Variants in MGAT4A observed in about 807,000 individuals in gnomAD.
MGAT4A encodes the protein N-acetylglucosaminyltransferase IVa.
In MGAT4A, 33 loss-of-function variants were observed where a neutral mutation model predicts 74.1. The ratio of observed to expected loss-of-function variants is 0.45; its 90% confidence interval spans 0.34 to 0.60. MGAT4A has a LOEUF of 0.60. Among genes scored for constraint, MGAT4A ranks in the 20% least tolerant of loss-of-function variants. MGAT4A has a pLI of 0.02. For synonymous variants in MGAT4A, 198 were observed against 210.4 expected (o/e 0.94, Z 0.51); for missense variants, 479 against 628.3 (o/e 0.76, Z 2.54).
Position 98,656,423 on chromosome 2 carries a change from T to C in MGAT4A, c.627A>G (p.Ser209=), listed in dbSNP as rs1355321828. 6.2e-7 allele frequency: 1 copy of C among 1,612,306 alleles called. No individual in the cohort carries two copies. The highest frequency in any genetic ancestry group is 2.2e-5 in the East Asian group (1 of 44,800). The change falls in exon 7 of 16, where the codon TCA becomes TCG. Residue 209 remains serine, a synonymous_variant. Transcript: ENST00000393487. ...AGTCAGGATAATAGCTTTCAGGGGGTGATATGACTTCCACCAAGCCAGAAC... is the reference window on the plus strand; with the variant it reads ...AGTCAGGATAATAGCTTTCAGGGGGCGATATGACTTCCACCAAGCCAGAAC... ...EISSGLVEVI[S]PPESYYPDLT...
intron 14 of MGAT4A, among the ~76,000 whole-genome samples, chr2:98,626,131 TAG>T (rs1439353537): frequency 6.6e-6 from 1 of 152,230 alleles, no homozygotes; most frequent in African/African-American, 2.4e-5. Context: ...TTTTAAACTA[TAG>T]GTTTTTTGTA....
chr2:98,725,057 A>G (rs951511677), intron 2 of MGAT4A, among the ~76,000 whole-genome samples: 1 of 152,274 alleles, frequency 6.6e-6, no homozygotes, highest in African/African-American at 2.4e-5. Context: ...CCTAGGCAAC[A>G]GAGTGAAACT....
chr2:98,662,446 T>C (rs567902895), intron 5 of MGAT4A, among the ~76,000 whole-genome samples: 2 of 152,266 alleles, frequency 1.3e-5, no homozygotes, highest in South Asian at 4.1e-4. Context: ...TAAAAAGACA[T>C]GGGGAACTCT....
At chr2:98,714,500 A>T (rs1279313089) in intron 2 of MGAT4A, among the ~76,000 whole-genome samples, 1 of 152,206 alleles carries the variant, frequency 6.6e-6, no homozygotes, top group East Asian at 1.9e-4. Context: ...AATTCAAGAA[A>T]CGCAGGTGGA....
At chr2:98,684,547 T>A (rs1702102802) in intron 2 of MGAT4A, among the ~76,000 whole-genome samples, 1 of 152,224 alleles carries the variant, frequency 6.6e-6, no homozygotes. Flanking sequence ...AATATTTAGG[T>A]CAGTTTCCAG....
rs11898635 is a variant in MGAT4A, at chr2:98,672,593, G to A, written c.403+2442C>T. ...TCAAAGAAATTTACTTCTATAAGCT[G>A]GTAATTCCCTCTTTTCACTCTCTTT... On this transcript the variant is annotated intron_variant, in intron 4 of 15. Transcript: ENST00000393487. Among the ~76,000 whole-genome samples the A allele has an allele frequency of 1.5e-3, 235 of 152,210 alleles. 1 individual carries two copies. The highest frequency in any genetic ancestry group is 5.4e-3 in the African/African-American group (225 of 41,526).
In MGAT4A at chr2:98,620,245, C is replaced by T. The variant is rs910009008; in HGVS notation, c.*5321G>A. On this transcript the variant is annotated 3_prime_UTR_variant, in exon 16 of 16. Transcript: ENST00000393487. ...TAAAGAAAGTAAGCATACTAGTTAT[C>T]GTAGCATATAAGATTCATAATTTAA... 2.0e-5 allele frequency: 3 copies of T among 152,104 alleles called. No individual in the cohort carries two copies. Among genetic ancestry groups the T allele is most frequent in the African/African-American group, 2.4e-5 (1 of 41,402 alleles). 9.4% of individuals were successfully genotyped at this position (152,104 alleles called of 1,614,324 possible).
intron 2 of MGAT4A, among the ~76,000 whole-genome samples, chr2:98,705,948 CAAAAAAAAAAAA>C (rs35710005): frequency 8.4e-5 from 4 of 47,500 alleles, no homozygotes; most frequent in Admixed American, 4.2e-4. Flanking sequence ...GACTCCGTCT[CAAAAAAAAAAAA>C]AAAAAAAAAA....
At chr2:98,627,268 T>A (rs1296764809) in intron 14 of MGAT4A, among the ~76,000 whole-genome samples, 1 of 152,266 alleles carries the variant, frequency 6.6e-6, no homozygotes, top group Non-Finnish European at 1.5e-5. Flanking sequence ...TAACTGTCAT[T>A]AAAATGATTT....
chr2:98,691,619 T>C (rs1402386788), intron 2 of MGAT4A, among the ~76,000 whole-genome samples: 3 of 152,262 alleles, frequency 2.0e-5, no homozygotes, highest in African/African-American at 7.2e-5. Flanking sequence ...AGTACACACT[T>C]GATAATGACA....
intron 2 of MGAT4A, among the ~76,000 whole-genome samples, chr2:98,683,088 A>T (rs1237397198): frequency 6.7e-6 from 1 of 150,196 alleles, no homozygotes; most frequent in Non-Finnish European, 1.5e-5. Flanking sequence ...ACTCCGTCTA[A>T]AAAAAAAAAC....
chr2:98,721,858 G>A (rs1702677134), intron 2 of MGAT4A, among the ~76,000 whole-genome samples: 1 of 151,832 alleles, frequency 6.6e-6, no homozygotes, highest in Admixed American at 6.6e-5. Flanking sequence ...TAAGGCACAG[G>A]AAAAACAAAA....
In MGAT4A at chr2:98,639,188, G is replaced by A. The variant is rs191047372; in HGVS notation, c.1322+620C>T. Among the ~76,000 whole-genome samples the A allele has an allele frequency of 1.2e-3, 187 of 152,100 alleles. 2 individuals carry two copies. The highest frequency in any genetic ancestry group is 0.01 in the Admixed American group (158 of 15,280). ...TGTAATCCCAGCTACTTCGGAGGCT[G>A]AGGCAGGAGAATCTTTTGAACCAAG... On this transcript the variant is annotated intron_variant, in intron 12 of 15. Coordinates refer to ENST00000393487, the MANE Select transcript of MGAT4A (RefSeq NM_012214.3).
chr2:98,670,720 T>C (rs1287766241), intron 4 of MGAT4A, among the ~76,000 whole-genome samples: 5 of 152,156 alleles, frequency 3.3e-5, no homozygotes, highest in Non-Finnish European at 7.4e-5. Flanking sequence ...TAGTTGCCCT[T>C]TCTCTGTCTC....
At chr2:98,686,557 T>G (rs1702134066) in intron 2 of MGAT4A, among the ~76,000 whole-genome samples, 1 of 151,938 alleles carries the variant, frequency 6.6e-6, no homozygotes, top group Non-Finnish European at 1.5e-5. Flanking sequence ...GGTGTTTTTT[T>G]TTTTCTGGAG....
intron 8 of MGAT4A, among the ~76,000 whole-genome samples, chr2:98,653,666 T>C (rs938239105): frequency 1.3e-5 from 2 of 152,168 alleles, no homozygotes; most frequent in Non-Finnish European, 2.9e-5. Flanking sequence ...CTAAGGGGAT[T>C]AAAGCAGTAA....
rs1701081111 is a variant in MGAT4A at position 98,622,846 on chromosome 2, GA to G, written c.*2719del. ...GCAAGAGTATGGCAACGACAGCAGG[GA>G]GAGGGAGTTAAGAGAGAGAAAGGGG... On this transcript the variant is annotated 3_prime_UTR_variant, in exon 16 of 16. Transcript: ENST00000393487. The G allele has an allele frequency of 1.0e-6, 1 of 985,706 alleles. No homozygotes were observed. The highest frequency in any genetic ancestry group is 1.2e-6 in the Non-Finnish European group (1 of 830,230). 61.1% of individuals were successfully genotyped at this position (985,706 alleles called of 1,614,324 possible). A position where few individuals can be genotyped will look rare whatever the true frequency, so the allele number is the denominator to read the frequency against.
chr2:98,649,400 C>T (rs1701543774), intron 8 of MGAT4A, among the ~76,000 whole-genome samples: 1 of 152,072 alleles, frequency 6.6e-6, no homozygotes, highest in Non-Finnish European at 1.5e-5. Context: ...TGGGCACAGA[C>T]CACAGTGAGG....
rs1701024350 is a variant in MGAT4A at position 98,620,041 on chromosome 2, T to C, written c.*5525A>G. On this transcript the variant is annotated 3_prime_UTR_variant, in exon 16 of 16. Transcript: ENST00000393487. Reference sequence around the variant, plus strand: ...TCAGATGCACCCTGGAGTGCCAGCTTGCTCCTTCCTGTTTGTTCCTTTGAA... The same window carrying C: ...TCAGATGCACCCTGGAGTGCCAGCTCGCTCCTTCCTGTTTGTTCCTTTGAA... The C allele has an allele frequency of 6.6e-6, 1 of 152,216 alleles. No individual in the cohort carries two copies. Among genetic ancestry groups the C allele is most frequent in the South Asian group, 2.1e-4 (1 of 4,832 alleles). The allele number at this position is 152,216 out of a possible 1,614,324, so 9.4% of individuals were successfully genotyped here. A position where few individuals can be genotyped will look rare whatever the true frequency, so the allele number is the denominator to read the frequency against.
Sources: gnomAD v4.1 joint callset for allele counts (sites outside exome capture counted in the v4.1 genomes callset) on GRCh38, gnomAD v4.1.1 for gene constraint, MANE v1.5 for transcripts, NCBI Gene and HGNC (gene_info 2026-07-23, HGNC 2026-07-21) for gene names.